Variants in STK32B observed in about 807,000 individuals in gnomAD.
STK32B encodes the protein serine/threonine-protein kinase 32B.
A neutral mutation model predicts 52.6 loss-of-function variants in STK32B; 43 were observed. The ratio of observed to expected loss-of-function variants is 0.82; its 90% CI spans 0.64 to 1.05. STK32B has a LOEUF of 1.05. STK32B is among the 50% of genes least tolerant of loss of function. The pLI is 0.00. For synonymous variants in STK32B, 238 were observed against 204.3 expected (o/e 1.17, Z -1.41); for missense variants, 621 against 534.6 (o/e 1.16, Z -1.59).
chr4:5,374,787 G>A (rs1193296290), intron 4 of STK32B, among the ~76,000 whole-genome samples: 3 of 145,064 alleles, frequency 2.1e-5, no homozygotes, highest in South Asian at 4.7e-4. Context: ...GGCGGGGGGG[G>A]AACACCAACG....
chr4:5,389,339 T>A (rs564118506), intron 4 of STK32B, among the ~76,000 whole-genome samples: 27 of 152,302 alleles, frequency 1.8e-4, no homozygotes, highest in African/African-American at 6.5e-4. Flanking sequence ...CTGGGCAGCT[T>A]AAACAACAGA....
At chr4:5,446,233 T>C (rs999575335) in intron 6 of STK32B, among the ~76,000 whole-genome samples, 1 of 152,198 alleles carries the variant, frequency 6.6e-6, no homozygotes, top group South Asian at 2.1e-4. Context: ...ACAAACCACA[T>C]GGCATAGTGA....
chr4:5,310,172 CA>C (rs1196892458), intron 3 of STK32B, among the ~76,000 whole-genome samples: 1 of 151,622 alleles, frequency 6.6e-6, no homozygotes, highest in African/African-American at 2.4e-5. Context: ...TCTCAAAAAT[CA>C]AAAAAGAGAA....
intron 7 of STK32B, among the ~76,000 whole-genome samples, chr4:5,448,648 A>C (rs1223138910): frequency 6.6e-6 from 1 of 152,138 alleles, no homozygotes; most frequent in African/African-American, 2.4e-5. Context: ...AATTCTTCTG[A>C]GTTTTCTGCT....
chr4:5,155,552 T>C (rs556239825), intron 2 of STK32B, among the ~76,000 whole-genome samples: 1 of 152,304 alleles, frequency 6.6e-6, no homozygotes, highest in Admixed American at 6.5e-5. Context: ...TTTGGCTCTG[T>C]GTCCCCACCC....
At chr4:5,052,027 T>A (rs562628662) in intron 1 of STK32B, 112 bp downstream of exon 1, 1 of 1,470,484 alleles carries the variant, frequency 6.8e-7, no homozygotes, top group Admixed American at 2.1e-5. Context: ...GACCCAGGCA[T>A]GGCCACTTCG....
intron 1 of STK32B, among the ~76,000 whole-genome samples, chr4:5,090,370 C>CTTTTTTTTTTTTTTT (rs754643704): frequency 1.8e-5 from 1 of 56,544 alleles, no homozygotes; most frequent in Non-Finnish European, 3.6e-5. Context: ...TTTAATCCAT[C>CTTTTTTTTTTTTTTT]TTTTTTTTTT....
intron 1 of STK32B, among the ~76,000 whole-genome samples, chr4:5,134,846 G>A (rs893634089): frequency 3.3e-5 from 5 of 152,216 alleles, no homozygotes; most frequent in African/African-American, 1.2e-4. Context: ...GATGTGGACT[G>A]TGGTTTACTT....
chr4:5,020,027 C>A, the STK32B span, among the ~76,000 whole-genome samples: 1 of 152,172 alleles, frequency 6.6e-6, no homozygotes, highest in African/African-American at 2.4e-5. Context: ...GGCCCCCAGC[C>A]TCTCAGAAGC....
intron 3 of STK32B, among the ~76,000 whole-genome samples, chr4:5,317,244 T>A (rs1303910847): frequency 1.7e-4 from 8 of 47,974 alleles, no homozygotes; most frequent in South Asian, 7.5e-4. Flanking sequence ...CATATATATA[T>A]TATATATAAC....
rs1000968601 is a variant in STK32B, at chr4:5,500,432, C to G, written c.*1349C>G. 52 of 152,142 alleles carry G rather than the reference C, an allele frequency of 3.4e-4. No individual in the cohort carries two copies. The highest frequency in any genetic ancestry group is 1.3e-3 in the African/African-American group (52 of 41,390). The allele number at this position is 152,142 out of a possible 1,614,324, so 9.4% of individuals were successfully genotyped here. A position where few individuals can be genotyped will look rare whatever the true frequency, so the allele number is the denominator to read the frequency against. ...ATACTTTCTTCCTTCACTCACCCAG[C>G]AGGTCAGTTTTCTGTGCAAACAAAC... On this transcript the variant is annotated 3_prime_UTR_variant, in exon 12 of 12. Coordinates refer to ENST00000282908, the MANE Select transcript of STK32B (RefSeq NM_018401.3).
the STK32B span, among the ~76,000 whole-genome samples, chr4:5,032,173 GAAAA>G: frequency 7.7e-6 from 1 of 129,080 alleles, no homozygotes; most frequent in Non-Finnish European, 1.7e-5. Context: ...CTCCTAGAAA[GAAAA>G]AAAAAAAAAA....
intron 7 of STK32B, among the ~76,000 whole-genome samples, chr4:5,452,246 C>T (rs1000216910): frequency 6.6e-6 from 1 of 152,142 alleles, no homozygotes; most frequent in Non-Finnish European, 1.5e-5. Flanking sequence ...AATGGGTAGA[C>T]AGAGAAGGTT....
intron 3 of STK32B, among the ~76,000 whole-genome samples, chr4:5,186,632 G>T (rs1393642818): frequency 6.6e-6 from 1 of 152,080 alleles, no homozygotes; most frequent in Non-Finnish European, 1.5e-5. Flanking sequence ...GTGATATCCT[G>T]GTCCATCCCC....
At chr4:5,287,128 A>C (rs1369175358) in intron 3 of STK32B, among the ~76,000 whole-genome samples, 1 of 152,034 alleles carries the variant, frequency 6.6e-6, no homozygotes, top group Non-Finnish European at 1.5e-5. Flanking sequence ...TATTCTAAGG[A>C]GTGAAATTGT....
intron 3 of STK32B, among the ~76,000 whole-genome samples, chr4:5,312,646 A>G (rs1015623135): frequency 6.6e-5 from 10 of 152,094 alleles, no homozygotes; most frequent in South Asian, 2.1e-4. Context: ...ATAGTATTCC[A>G]TGGTGTATAT....
the STK32B span, among the ~76,000 whole-genome samples, chr4:5,019,624 C>A: frequency 6.6e-6 from 1 of 152,208 alleles, no homozygotes; most frequent in South Asian, 2.1e-4. Context: ...CTCTCAGACA[C>A]GAAAGCCCCA....
At chr4:5,340,578 C>A (rs1733010120) in intron 4 of STK32B, among the ~76,000 whole-genome samples, 1 of 152,158 alleles carries the variant, frequency 6.6e-6, no homozygotes, top group African/African-American at 2.4e-5. Context: ...TGAGAATGAT[C>A]TTTCTGAAGG....
At chr4:5,431,845 C>G (rs774300724) in intron 6 of STK32B, among the ~76,000 whole-genome samples, 5 of 152,072 alleles carry the variant, frequency 3.3e-5, no homozygotes, top group Non-Finnish European at 5.9e-5. Flanking sequence ...ATTTGACTAG[C>G]CAAGAGCCAA....
Sources: gnomAD v4.1 joint callset for allele counts (sites outside exome capture counted in the v4.1 genomes callset) on GRCh38, gnomAD v4.1.1 for gene constraint, MANE v1.5 for transcripts, NCBI Gene and HGNC (gene_info 2026-07-23, HGNC 2026-07-21) for gene names.